The following CLVS1 variants were observed in gnomAD, a reference collection of about 807,000 sequenced individuals.
CLVS1 encodes the protein clavesin 1, also known as clavesin-1.
CLVS1 carries 10 observed loss-of-function variants against 33.1 expected under a neutral mutation model. The observed-to-expected ratio is 0.30, with a 90% CI of 0.19 to 0.51. CLVS1 has a LOEUF of 0.51. CLVS1 is among the 20% of genes least tolerant of loss of function. The pLI is 0.97. For synonymous variants in CLVS1, 163 were observed against 166.1 expected, an observed-to-expected ratio of 0.98 and a Z score of 0.14; for missense variants, 343 against 433.4, an observed-to-expected ratio of 0.79 and a Z score of 1.85.
intron 2 of CLVS1, among the ~76,000 whole-genome samples, chr8:61,189,770 C>A (rs1164456846): frequency 2.6e-5 from 4 of 152,106 alleles, no homozygotes; most frequent in Non-Finnish European, 5.9e-5. Context: ...TCAAAAGAGA[C>A]AAAGAAGTCC....
intron 2 of CLVS1, among the ~76,000 whole-genome samples, chr8:61,240,654 C>T (rs761993475): frequency 2.0e-5 from 3 of 152,160 alleles, no homozygotes; most frequent in Non-Finnish European, 2.9e-5. Flanking sequence ...ATATTGATTC[C>T]AATGGTAAAT....
intron 1 of CLVS1, among the ~76,000 whole-genome samples, chr8:61,112,033 A>G (rs4737575): frequency 0.2 from 30,059 of 152,138 alleles, 3,185 homozygotes; most frequent in Admixed American, 0.32. Context: ...TTTGTTTGCT[A>G]AACAAAGGAA....
intron 1 of CLVS1, among the ~76,000 whole-genome samples, chr8:61,064,440 G>A (rs1035369550): frequency 4.6e-5 from 7 of 151,672 alleles, no homozygotes; most frequent in Non-Finnish European, 8.8e-5. Context: ...TTTGATTTGC[G>A]TTTTCCTAAT....
At chr8:61,081,593 G>C (rs768941767) in intron 1 of CLVS1, among the ~76,000 whole-genome samples, 22 of 152,156 alleles carry the variant, frequency 1.4e-4, no homozygotes, top group Non-Finnish European at 2.8e-4. Context: ...TTGTATCCTG[G>C]TCTCCAGAGA....
At chr8:61,030,712 C>G in the CLVS1 span, among the ~76,000 whole-genome samples, 2 of 152,284 alleles carry the variant, frequency 1.3e-5, no homozygotes, top group South Asian at 4.1e-4. Flanking sequence ...TATTATGTGC[C>G]AGGCATCAGG....
At chr8:61,483,051 C>T (rs1459183290) in intron 5 of CLVS1, among the ~76,000 whole-genome samples, 1 of 152,140 alleles carries the variant, frequency 6.6e-6, no homozygotes, top group African/African-American at 2.4e-5. Context: ...CAAGAGCAAA[C>T]ACATTCAAAA....
intron 2 of CLVS1, among the ~76,000 whole-genome samples, chr8:61,371,492 G>A (rs1813437215): frequency 6.6e-6 from 1 of 152,098 alleles, no homozygotes; most frequent in South Asian, 2.1e-4. Context: ...ACAGGAATAT[G>A]CCCTGTGATT....
chr8:60,992,306 G>A, the CLVS1 span, among the ~76,000 whole-genome samples: 1 of 152,102 alleles, frequency 6.6e-6, no homozygotes. Context: ...CTATTTCCAA[G>A]CTTCGTATTG....
chr8:61,264,784 T>G (rs1439901374), intron 2 of CLVS1: 1 of 152,186 alleles, frequency 6.6e-6, no homozygotes, highest in Non-Finnish European at 1.5e-5. Flanking sequence ...TTCTCTGATG[T>G]CCACATACCA....
intron 1 of CLVS1, among the ~76,000 whole-genome samples, chr8:61,105,070 T>C (rs1222960448): frequency 6.6e-6 from 1 of 152,174 alleles, no homozygotes; most frequent in Non-Finnish European, 1.5e-5. Flanking sequence ...CCTCAGGTGA[T>C]CCACCTGCCT....
At chr8:61,433,382 A>G (rs1395108345) in intron 3 of CLVS1, among the ~76,000 whole-genome samples, 1 of 152,214 alleles carries the variant, frequency 6.6e-6, no homozygotes. Context: ...TTTACATACA[A>G]TAAAGTAAAG....
chr8:61,458,294 G>C lies in CLVS1; in HGVS notation c.742-13G>C, dbSNP rs966510789. 8 of 1,586,994 alleles carry C rather than the reference G, an allele frequency of 5.0e-6. No individual in the cohort carries two copies. In the East Asian group the frequency reaches 1.8e-4, roughly 35 times the overall value. ...GATTTTGTATTGCTAATTACTTTTT[G>C]TTTTCTTTACAGATTTTCCTGCATG... is the stretch of plus-strand genomic sequence containing the variant. On this transcript the variant is annotated splice_polypyrimidine_tract_variant and intron_variant, in intron 4 of 5. Coordinates refer to ENST00000325897, the MANE Select transcript of CLVS1 (RefSeq NM_173519.3).
At chr8:61,100,772 AATTCT>A (rs1364050299) in intron 1 of CLVS1, among the ~76,000 whole-genome samples, 1 of 152,024 alleles carries the variant, frequency 6.6e-6, no homozygotes, top group Non-Finnish European at 1.5e-5. Context: ...AGGGAACCAC[AATTCT>A]ATTTTCTATC....
chr8:61,374,168 T>C (rs1357497237), intron 2 of CLVS1, among the ~76,000 whole-genome samples: 1 of 152,234 alleles, frequency 6.6e-6, no homozygotes, highest in Non-Finnish European at 1.5e-5. Context: ...AGTGTGTGGA[T>C]ACAGGGATAA....
chr8:61,077,574 C>T (rs1288552364), intron 1 of CLVS1, among the ~76,000 whole-genome samples: 1 of 151,766 alleles, frequency 6.6e-6, no homozygotes, highest in Non-Finnish European at 1.5e-5. Context: ...TTCCTGGGTT[C>T]AAGTGATTCT....
intron 2 of CLVS1, among the ~76,000 whole-genome samples, chr8:61,183,164 G>A (rs888525851): frequency 1.3e-5 from 2 of 151,530 alleles, no homozygotes; most frequent in African/African-American, 4.9e-5. Flanking sequence ...GAGGGGGGCA[G>A]GCACAAGTGG....
chr8:61,003,369 C>T, the CLVS1 span, among the ~76,000 whole-genome samples: 808 of 152,284 alleles, frequency 5.3e-3, 6 homozygotes, highest in African/African-American at 0.018. Flanking sequence ...GTCAACTCAA[C>T]AGGCTCACCA....
intron 2 of CLVS1, among the ~76,000 whole-genome samples, chr8:61,138,082 G>A (rs115327731): frequency 0.025 from 3,821 of 152,308 alleles, 161 homozygotes; most frequent in African/African-American, 0.087. Flanking sequence ...GACTCAGAAA[G>A]TTATAATGAA....
intron 2 of CLVS1, among the ~76,000 whole-genome samples, chr8:61,244,654 C>T (rs1808770726): frequency 6.6e-6 from 1 of 152,026 alleles, no homozygotes; most frequent in African/African-American, 2.4e-5. Flanking sequence ...GTGATAATGC[C>T]ATATTGGCTC....
Sources: gnomAD v4.1 joint callset for allele counts (sites outside exome capture counted in the v4.1 genomes callset) on GRCh38, gnomAD v4.1.1 for gene constraint, MANE v1.5 for transcripts, NCBI Gene and HGNC (gene_info 2026-07-23, HGNC 2026-07-21) for gene names.